Variants in PCYT1B observed in about 807,000 individuals in gnomAD.
The protein encoded by PCYT1B is phosphate cytidylyltransferase 1B, choline.
PCYT1B carries 10 observed loss-of-function variants against 26.4 expected under a neutral mutation model. That is an observed-to-expected ratio of 0.38 (90% CI 0.23 to 0.64). The LOEUF is 0.64. Among genes scored for constraint, PCYT1B ranks in the 30% least tolerant of loss-of-function variants. The probability of loss-of-function intolerance (pLI) is 0.56; values close to 1 mark genes in which losing one functional copy is unlikely to be tolerated. For synonymous variants in PCYT1B, 131 were observed against 108.4 expected (o/e 1.21, Z -1.29); for missense variants, 161 against 292.7 (o/e 0.55, Z 3.28).
At chrX:24,572,264 GCGCA>G (rs1489901145) in intron 7 of PCYT1B, among the ~76,000 whole-genome samples, 28 of 101,300 alleles carry the variant, frequency 2.8e-4, no homozygotes, top group South Asian at 9.5e-4. Flanking sequence ...ACACACGCGC[GCGCA>G]CACACACACA....
At chrX:24,647,950 T>C (rs1207375595), upstream of PCYT1B, among the ~76,000 whole-genome samples, 1 of 112,327 alleles carries the variant, frequency 8.9e-6, no homozygotes, top group East Asian at 2.8e-4. Flanking sequence ...CTTTCGCAGT[T>C]GCTTCCTCTG....
At chrX:24,562,886 C>G (rs2148216395) in intron 7 of PCYT1B, among the ~76,000 whole-genome samples, 1 of 110,122 alleles carries the variant, frequency 9.1e-6, no homozygotes, top group Admixed American at 9.6e-5. Flanking sequence ...CGCCACCATG[C>G]CCGGCTAATT....
At chrX:24,658,548 G>A (rs1453499568) in intron 1 of PCYT1B, among the ~76,000 whole-genome samples, 3 of 88,714 alleles carry the variant, frequency 3.4e-5, no homozygotes, top group African/African-American at 1.3e-4. Context: ...GAAGCTGCAT[G>A]CATTCCTTGA....
chrX:24,621,021 C>T (rs61760946), intron 1 of PCYT1B, among the ~76,000 whole-genome samples: 1,356 of 112,217 alleles, frequency 0.012, 12 homozygotes, highest in Non-Finnish European at 0.018. Flanking sequence ...CTCCTACCAA[C>T]TTATTGACTC....
chrX:24,579,186 CAA>C (rs367614190), intron 6 of PCYT1B, 128 bp downstream of exon 6: 805 of 360,947 alleles, frequency 2.2e-3, no homozygotes, highest in Admixed American at 2.8e-3. Flanking sequence ...CATCTCTACA[CAA>C]AAAAAAAAAA....
chrX:24,590,434 C>T (rs1363456997), intron 3 of PCYT1B, among the ~76,000 whole-genome samples: 2 of 112,134 alleles, frequency 1.8e-5, no homozygotes, highest in African/African-American at 6.5e-5. Flanking sequence ...TTATTCTCTA[C>T]ACTACCTAAT....
At chrX:24,615,020 A>T (rs1321451540) in intron 2 of PCYT1B, among the ~76,000 whole-genome samples, 1 of 111,722 alleles carries the variant, frequency 9.0e-6, no homozygotes, top group Non-Finnish European at 1.9e-5. Flanking sequence ...GGGTTTCACC[A>T]TGTTGGCCAG....
rs776852693 is a variant in PCYT1B at position 24,573,604 on chromosome X, A to T, written c.897+1526T>A. Among the ~76,000 whole-genome samples the T allele has an allele frequency of 7.2e-5, 8 of 111,408 alleles. No individual in the cohort carries two copies. In the East Asian group the frequency reaches 2.3e-3, roughly 31 times the overall value. On this transcript the variant is annotated intron_variant, in intron 7 of 7. Transcript: ENST00000379144. ...CTAGTTGTTTCTTTAGAGCCTGGAA[A>T]TTAGTTGTGAAAATGTGAACTATTA...
intron 1 of PCYT1B, among the ~76,000 whole-genome samples, chrX:24,627,774 C>A (rs144643104): frequency 9.0e-6 from 1 of 111,310 alleles, no homozygotes; most frequent in African/African-American, 3.3e-5. Context: ...GTGATCGCAG[C>A]GGAGGTGGTA....
chrX:24,651,913 T>C (rs1366239798), upstream of PCYT1B, among the ~76,000 whole-genome samples: 1 of 111,171 alleles, frequency 9.0e-6, no homozygotes, highest in Admixed American at 9.7e-5. Context: ...CAGGCATGGT[T>C]AGCTCATGAG....
At chrX:24,567,611 A>T (rs1298163548) in intron 7 of PCYT1B, among the ~76,000 whole-genome samples, 2 of 112,369 alleles carry the variant, frequency 1.8e-5, no homozygotes, top group Non-Finnish European at 3.8e-5. Flanking sequence ...TGTCCATACG[A>T]AAGTAGTTTT....
chrX:24,561,120 G>C lies in PCYT1B; in HGVS notation c.*1173C>G, dbSNP rs1483597797. 1 of 112,597 alleles carries C rather than the reference G, an allele frequency of 8.9e-6. No individual in the cohort carries two copies. Among genetic ancestry groups the C allele is most frequent in the East Asian group, 2.8e-4 (1 of 3,592 alleles). The allele number at this position is 112,597 out of a possible 1,213,427, so 9.3% of individuals were successfully genotyped here. ...AACAAAATACTAATTTCCTGGTTGG[G>C]ATAAAACGTTTCCACAGGAATCTGG... On this transcript the variant is annotated 3_prime_UTR_variant, in exon 8 of 8. Coordinates refer to ENST00000379144, the MANE Select transcript of PCYT1B (RefSeq NM_004845.5).
chrX:24,623,374 T>TATATAC (rs1925762258), intron 1 of PCYT1B, among the ~76,000 whole-genome samples: 1 of 19,506 alleles, frequency 5.1e-5, no homozygotes, highest in African/African-American at 1.4e-4. Flanking sequence ...CATATATATA[T>TATATAC]ATATATATAT....
At chrX:24,656,551 C>CTTTTTTTTTTTTTTTT (rs1179469896) in intron 1 of PCYT1B, among the ~76,000 whole-genome samples, 3 of 56,637 alleles carry the variant, frequency 5.3e-5, no homozygotes, top group Non-Finnish European at 9.0e-5. Context: ...TCTTTTTTTC[C>CTTTTTTTTTTTTTTTT]TTTTTTTTTT....
At chrX:24,658,348 C>T (rs1926966623) in intron 1 of PCYT1B, 3 of 110,955 alleles carry the variant, frequency 2.7e-5, no homozygotes, top group African/African-American at 9.8e-5. Flanking sequence ...GCTGCTGTAA[C>T]AATGTACCAG....
At chrX:24,638,011 G>T (rs1053512332) in intron 1 of PCYT1B, among the ~76,000 whole-genome samples, 25 of 111,133 alleles carry the variant, frequency 2.2e-4, no homozygotes, top group Admixed American at 1.3e-3. Context: ...ACAGAAGCCT[G>T]CATGTACCAG....
chrX:24,581,582 G>A (rs1924207577), intron 5 of PCYT1B, among the ~76,000 whole-genome samples: 1 of 111,912 alleles, frequency 8.9e-6, no homozygotes, highest in African/African-American at 3.2e-5. Flanking sequence ...TCCTTCCCAT[G>A]GACCACTCCC....
At position 24,587,295 on chromosome X, in the gene PCYT1B, T is replaced by C. The variant is rs750985354; in HGVS notation, c.511A>G (p.Ile171Val). The C allele has an allele frequency of 8.3e-7, 1 of 1,203,156 alleles. No individual in the cohort carries two copies. Among genetic ancestry groups the C allele is most frequent in the Admixed American group, 2.2e-5 (1 of 45,985 alleles). Residue 171 changes from isoleucine to valine, a missense_variant, in exon 5 of 8, where the codon ATT becomes GTT. By Grantham distance (29) the Ile-to-Val change is conservative (BLOSUM62 3). Transcript: ENST00000379144. Reference sequence around the variant, plus strand: ...TCAGAGCCAGCAGAGGAATACGGAATGTCATCATGAGCCACAAAGTCAATC... The same window carrying C: ...TCAGAGCCAGCAGAGGAATACGGAACGTCATCATGAGCCACAAAGTCAATC... ...HKIDFVAHDD[I>V]PYSSAGSDDV...
intron 3 of PCYT1B, among the ~76,000 whole-genome samples, chrX:24,598,482 T>TAC (rs1375362201): frequency 3.1e-3 from 325 of 106,553 alleles, no homozygotes; most frequent in Middle Eastern, 0.014. Context: ...TTGATATATA[T>TAC]ATACACACAC....
Sources: gnomAD v4.1 joint callset for allele counts (sites outside exome capture counted in the v4.1 genomes callset) on GRCh38, gnomAD v4.1.1 for gene constraint, MANE v1.5 for transcripts, NCBI Gene and HGNC (gene_info 2026-07-23, HGNC 2026-07-21) for gene names.